The following PLCG2 variants were observed in gnomAD, a reference collection of about 807,000 sequenced individuals.
PLCG2 encodes the protein 1-phosphatidylinositol 4,5-bisphosphate phosphodiesterase gamma-2.
In PLCG2, 69 loss-of-function variants were observed where a neutral mutation model predicts 175.6. That is an observed-to-expected ratio of 0.39 (90% CI 0.32 to 0.48). The LOEUF (loss-of-function observed/expected upper bound fraction) is 0.48, where lower values mean the gene tolerates loss of function less well. Among genes scored for constraint, PLCG2 ranks in the 20% least tolerant of loss-of-function variants. The pLI, the probability that PLCG2 is intolerant of heterozygous loss-of-function variation, is 0.91. For missense variants in PLCG2, 1,798 were observed against 1,650.9 expected (o/e 1.09, Z -1.54); for synonymous variants, 827 against 624.0 (o/e 1.33, Z -4.85).
chr16:81,893,453 C>T (rs552193116), intron 11 of PLCG2, among the ~76,000 whole-genome samples: 1 of 152,264 alleles, frequency 6.6e-6, no homozygotes, highest in African/African-American at 2.4e-5. Flanking sequence ...AACACGTCCT[C>T]TCCACGCTTG....
chr16:81,773,364 C>T (rs530775501), intron 2 of PLCG2, among the ~76,000 whole-genome samples: 74 of 152,286 alleles, frequency 4.9e-4, no homozygotes, highest in Admixed American at 1.4e-3. Flanking sequence ...AAGCTGAATA[C>T]GTCCTAGTGG....
rs537527411 is a variant in PLCG2, at chr16:81,899,121, G to A, written c.1194-1491G>A. 2.7e-4 allele frequency among the ~76,000 whole-genome samples: 41 copies of A among 152,078 alleles called. No homozygotes were observed. In the South Asian group the frequency reaches 2.9e-3, roughly 11 times the overall value. ...GGAGAATTGCTTGAACTTGGGAGGC[G>A]GAGGTTGCAATGAGCTGAGGTCACG... On this transcript the variant is annotated intron_variant, in intron 13 of 32. Coordinates refer to ENST00000564138, the MANE Select transcript of PLCG2 (RefSeq NM_002661.5).
chr16:81,805,283 A>G (rs1415645390), intron 2 of PLCG2, among the ~76,000 whole-genome samples: 1 of 152,142 alleles, frequency 6.6e-6, no homozygotes, highest in African/African-American at 2.4e-5. Flanking sequence ...ATGGATCACA[A>G]GGTCAGGAGA....
At position 81,892,687 on chromosome 16, in the gene PLCG2, A is replaced by G. The variant is rs578196199; in HGVS notation, c.987-1022A>G. ...ACTTTTATTTTCAGTTCAGAGGTACATGTGCAGGTTTGTTAAACGGGTCAA... is the reference window on the plus strand; with the variant it reads ...ACTTTTATTTTCAGTTCAGAGGTACGTGTGCAGGTTTGTTAAACGGGTCAA... On this transcript the variant is annotated intron_variant, in intron 11 of 32. Coordinates refer to ENST00000564138, the MANE Select transcript of PLCG2 (RefSeq NM_002661.5). Among the ~76,000 whole-genome samples the G allele has an allele frequency of 1.9e-3, 296 of 152,200 alleles. 1 individual carries two copies. The highest frequency in any genetic ancestry group is 6.2e-3 in the African/African-American group (257 of 41,530).
chr16:81,776,329 T>C (rs1217293383), upstream of PLCG2, among the ~76,000 whole-genome samples: 2 of 151,808 alleles, frequency 1.3e-5, no homozygotes, highest in African/African-American at 4.8e-5. Context: ...CAGGATGGTC[T>C]TGATCTTCCA....
intron 31 of PLCG2, among the ~76,000 whole-genome samples, chr16:81,955,393 C>A (rs1225869129): frequency 6.6e-6 from 1 of 152,188 alleles, no homozygotes; most frequent in Non-Finnish European, 1.5e-5. Context: ...ATTGACTTGA[C>A]CCTCCTGCAA....
chr16:81,947,018 C>A (rs1911179280), intron 31 of PLCG2, among the ~76,000 whole-genome samples: 1 of 152,004 alleles, frequency 6.6e-6, no homozygotes, highest in African/African-American at 2.4e-5. Context: ...TACATAAAAC[C>A]CCTCCGCAGA....
chr16:81,821,121 A>G (rs2143335753), intron 2 of PLCG2, among the ~76,000 whole-genome samples: 1 of 152,360 alleles, frequency 6.6e-6, no homozygotes, highest in Non-Finnish European at 1.5e-5. Flanking sequence ...AGAACTCCTG[A>G]TGTCAAATGA....
At chr16:81,816,757 C>G (rs774518226) in intron 2 of PLCG2, among the ~76,000 whole-genome samples, 1 of 143,992 alleles carries the variant, frequency 6.9e-6, no homozygotes, top group Non-Finnish European at 1.5e-5. Context: ...GCATTTCAGC[C>G]TCCCAAAATG....
At chr16:81,745,058 T>C (rs928834710) in intron 1 of PLCG2, among the ~76,000 whole-genome samples, 2 of 152,196 alleles carry the variant, frequency 1.3e-5, no homozygotes, top group Admixed American at 1.3e-4. Flanking sequence ...CCATAAACAT[T>C]CAGCAAAGAA....
At chr16:81,798,393 G>A (rs1378327965) in intron 2 of PLCG2, 1 of 152,412 alleles carries the variant, frequency 6.6e-6, no homozygotes, top group Middle Eastern at 3.4e-3. Flanking sequence ...CACAGCTAGG[G>A]GTCCTCTGGG....
chr16:81,934,671 T>C, intron 26 of PLCG2, 140 bp downstream of exon 26: 2 of 647,506 alleles, frequency 3.1e-6, no homozygotes, highest in Non-Finnish European at 5.5e-6. Context: ...CTTGGGTTTG[T>C]CCTCCGAGTG....
chr16:81,908,434 C>T lies in PLCG2; in HGVS notation c.1576C>T (p.Leu526=), dbSNP rs1567527440. 4 of 1,613,916 alleles carry T rather than the reference C, an allele frequency of 2.5e-6. No individual in the cohort carries two copies. In the South Asian group the frequency reaches 4.4e-5, roughly 18 times the overall value. The stretch of plus-strand genomic sequence containing the variant: ...GGCCCAGGATATACCCCCTACAGAA[C>T]TACATTTTGGGGAGAAATGGTTCCA... The part of the protein sequence containing the change: ...EVPQDIPPTE[L]HFGEKWFHKK... Residue 526 remains leucine (L), a synonymous_variant, in exon 17 of 33, where the codon CTA becomes TTA. Coordinates refer to ENST00000564138, the MANE Select transcript of PLCG2 (RefSeq NM_002661.5).
intron 31 of PLCG2, among the ~76,000 whole-genome samples, chr16:81,951,975 CT>C (rs1267197081): frequency 6.6e-6 from 1 of 152,006 alleles, no homozygotes; most frequent in Non-Finnish European, 1.5e-5. Context: ...GTTTATTTTT[CT>C]TGTATTTATT....
rs750014627 is a variant in PLCG2 at position 81,956,924 on chromosome 16, G to A, written c.3755+45G>A. The A allele has an allele frequency of 9.1e-6, 14 of 1,538,776 alleles. No individual in the cohort carries two copies. The Middle Eastern group carries it at 6.8e-4, about 75-fold the overall frequency. On this transcript the variant is annotated intron_variant, in intron 32 of 32. Coordinates refer to ENST00000564138, the MANE Select transcript of PLCG2 (RefSeq NM_002661.5). The stretch of plus-strand genomic sequence containing the variant: ...TGCAAAAACTTTTGGGGGGTCTCTA[G>A]GCACGGTGATGATGGGCACCACGGG...
chr16:81,808,785 A>G (rs1904294051), intron 2 of PLCG2, among the ~76,000 whole-genome samples: 1 of 151,912 alleles, frequency 6.6e-6, no homozygotes, highest in South Asian at 2.1e-4. Context: ...GAGCCACCTC[A>G]CCTGGCCACC....
chr16:81,754,454 A>ACCTCATTCCCTCCCCTCC (rs201210058), intron 1 of PLCG2, among the ~76,000 whole-genome samples: 1 of 14 alleles, frequency 0.071, no homozygotes. Context: ...CCTCCTCCCC[A>ACCTCATTCCCTCCCCTCC]CCACCTCATT....
intron 2 of PLCG2, among the ~76,000 whole-genome samples, chr16:81,843,089 C>T (rs559614742): frequency 6.6e-6 from 1 of 152,198 alleles, no homozygotes; most frequent in African/African-American, 2.4e-5. Context: ...TGGGTTATCT[C>T]ACTTTCTTCA....
At chr16:81,752,689 C>T (rs181867100) in intron 1 of PLCG2, among the ~76,000 whole-genome samples, 2 of 152,346 alleles carry the variant, frequency 1.3e-5, no homozygotes, top group East Asian at 3.9e-4. Flanking sequence ...CATCTGCTTC[C>T]AGCAACTTCC....
Sources: gnomAD v4.1 joint callset for allele counts (sites outside exome capture counted in the v4.1 genomes callset) on GRCh38, gnomAD v4.1.1 for gene constraint, MANE v1.5 for transcripts, NCBI Gene and HGNC (gene_info 2026-07-23, HGNC 2026-07-21) for gene names.